Variants in SNX30 observed in about 807,000 individuals in gnomAD.
SNX30 encodes sorting nexin-30.
Under a neutral mutation model 46.4 loss-of-function variants are expected in SNX30, and 24 were observed. The ratio of observed to expected loss-of-function variants is 0.52; its 90% confidence interval spans 0.37 to 0.73. The LOEUF is 0.73. Ranked by LOEUF, SNX30 falls within the 30% of genes least tolerant of loss-of-function variation. SNX30 has a pLI of 0.00. For synonymous variants in SNX30, 189 were observed against 211.5 expected, an observed-to-expected ratio of 0.89 and a Z score of 0.92; for missense variants, 533 against 555.7, an observed-to-expected ratio of 0.96 and a Z score of 0.41.
At chr9:112,817,645 C>A in intron 2 of SNX30, 60 bp from the exon 3 acceptor site, 2 of 998,702 alleles carry the variant, frequency 2.0e-6, no homozygotes, top group African/African-American at 1.6e-5. Context: ...TTTTTTCCTT[C>A]CCTTCAGCCA....
chr9:112,819,604 T>G (rs1399133726), intron 3 of SNX30, among the ~76,000 whole-genome samples: 1 of 152,156 alleles, frequency 6.6e-6, no homozygotes, highest in Non-Finnish European at 1.5e-5. Flanking sequence ...CTACCCAGGA[T>G]CCCACATTTT....
At chr9:112,817,400 G>GTTTT (rs1256963697) in intron 2 of SNX30, among the ~76,000 whole-genome samples, 2 of 34,388 alleles carry the variant, frequency 5.8e-5, no homozygotes, top group African/African-American at 4.0e-4. Flanking sequence ...AAAAAAACTG[G>GTTTT]CTTTTTTTTT....
At position 112,858,795 on chromosome 9, in the gene SNX30, G is replaced by A. The variant is rs148397259; in HGVS notation, c.1102-5452G>A. 3.1e-3 allele frequency among the ~76,000 whole-genome samples: 473 copies of A among 152,060 alleles called. 2 individuals are homozygous for A. The highest frequency in any genetic ancestry group is 0.01 in the Middle Eastern group (3 of 294). ...TTCACCACCTCCTCTTTCTGTGCCC[G>A]CCTTTCTGCCTTCCCGAGTGACTTT... On this transcript the variant is annotated intron_variant, in intron 7 of 8. Coordinates refer to ENST00000374232, the MANE Select transcript of SNX30 (RefSeq NM_001012994.2).
chr9:112,757,048 T>C (rs1019826979), intron 1 of SNX30, among the ~76,000 whole-genome samples: 1 of 152,214 alleles, frequency 6.6e-6, no homozygotes, highest in Non-Finnish European at 1.5e-5. Context: ...TACAATTTTA[T>C]TATTAATAAC....
At chr9:112,779,111 C>T (rs922127758) in intron 1 of SNX30, among the ~76,000 whole-genome samples, 4 of 152,232 alleles carry the variant, frequency 2.6e-5, no homozygotes, top group Non-Finnish European at 5.9e-5. Flanking sequence ...GCTGCTGGCA[C>T]GTGTGATGTG....
intron 7 of SNX30, among the ~76,000 whole-genome samples, chr9:112,855,912 G>T (rs1041221617): frequency 4.6e-5 from 7 of 152,110 alleles, no homozygotes; most frequent in African/African-American, 1.7e-4. Flanking sequence ...CATGGAAGGT[G>T]GGGGGCATCA....
At chr9:112,753,246 C>G (rs1287719323) in intron 1 of SNX30, among the ~76,000 whole-genome samples, 1 of 152,146 alleles carries the variant, frequency 6.6e-6, no homozygotes, top group East Asian at 1.9e-4. Flanking sequence ...CTAATAAGCA[C>G]TTGGAAGACA....
At chr9:112,862,131 G>A (rs576167275) in intron 7 of SNX30, among the ~76,000 whole-genome samples, 7 of 152,324 alleles carry the variant, frequency 4.6e-5, no homozygotes, top group Admixed American at 2.0e-4. Flanking sequence ...ACCCACAGCC[G>A]TGGTTTAGAC....
At chr9:112,768,958 C>T (rs7039744) in intron 1 of SNX30, among the ~76,000 whole-genome samples, 45,154 of 151,844 alleles carry the variant, frequency 0.3, 6,910 homozygotes, top group Admixed American at 0.35. Flanking sequence ...ATAATTCTAA[C>T]GGGCAGCCAA....
chr9:112,817,791 A>T lies in SNX30; in HGVS notation c.435A>T (p.Glu145Asp), dbSNP rs776097355. The T allele has an allele frequency of 1.1e-5, 17 of 1,613,234 alleles. No individual in the cohort carries two copies. In the East Asian group the frequency reaches 3.6e-4, roughly 34 times the overall value. ...ACTGGTTGAGGAGCAAACTGGAAGA[A>T]TCCCAGCCCACTCATCTCATTCCCG... ...DFDWLRSKLEESQPTHLIPPL... is the reference protein window; with the variant it reads ...DFDWLRSKLEDSQPTHLIPPL... The change falls in exon 3 of 9, where the codon GAA becomes GAT. Residue 145 changes from glutamate to aspartate, a missense_variant. This residue lies in a region of SNX30 where 81 missense variants were observed against 124.4 expected (regional missense o/e 0.65). Coordinates refer to ENST00000374232, the MANE Select transcript of SNX30 (RefSeq NM_001012994.2).
intron 2 of SNX30, among the ~76,000 whole-genome samples, chr9:112,807,532 T>C (rs1277063630): frequency 6.6e-6 from 1 of 152,196 alleles, no homozygotes; most frequent in Non-Finnish European, 1.5e-5. Flanking sequence ...AATATACATA[T>C]TTCCAGGAAT....
exon 5 of SNX30, chr9:112,880,189 G>A: frequency 6.2e-6 from 1 of 160,772 alleles, no homozygotes; most frequent in Non-Finnish European, 1.4e-5. Context: ...AAATTAGCTG[G>A]GCATGGTGGC....
chr9:112,773,054 A>G (rs1053593864), intron 1 of SNX30, among the ~76,000 whole-genome samples: 9 of 152,232 alleles, frequency 5.9e-5, no homozygotes, highest in Non-Finnish European at 1.3e-4. Context: ...CTCTTGTTCC[A>G]AAGCAAGGAA....
chr9:112,846,729 C>T (rs1646054318), intron 6 of SNX30, among the ~76,000 whole-genome samples: 1 of 152,194 alleles, frequency 6.6e-6, no homozygotes, highest in Admixed American at 6.5e-5. Flanking sequence ...GGGGGGTGAG[C>T]TGCTCCTGCT....
chr9:112,854,662 A>G (rs1841091569), intron 7 of SNX30, among the ~76,000 whole-genome samples: 1 of 152,238 alleles, frequency 6.6e-6, no homozygotes, highest in Non-Finnish European at 1.5e-5. Context: ...TGGCAGCAGC[A>G]GAAATCCTTT....
downstream of SNX30, chr9:112,878,501 T>G (rs555136648): frequency 6.6e-6 from 1 of 152,362 alleles, no homozygotes. Flanking sequence ...CGTGCTCCCT[T>G]ATATTAGTGA....
At chr9:112,875,640 A>AT (rs1841509170), downstream of SNX30, among the ~76,000 whole-genome samples, 2 of 152,200 alleles carry the variant, frequency 1.3e-5, no homozygotes, top group Non-Finnish European at 2.9e-5. Context: ...AAAGCACTTA[A>AT]ATGTCAGGCA....
intron 1 of SNX30, among the ~76,000 whole-genome samples, chr9:112,754,702 C>T (rs1839322819): frequency 6.6e-6 from 1 of 152,132 alleles, no homozygotes; most frequent in Non-Finnish European, 1.5e-5. Context: ...CTCACTGGAC[C>T]TTATATGGCT....
At chr9:112,759,867 C>G (rs1001954397) in intron 1 of SNX30, among the ~76,000 whole-genome samples, 6 of 152,052 alleles carry the variant, frequency 3.9e-5, no homozygotes, top group African/African-American at 1.4e-4. Flanking sequence ...AAGGGGATAA[C>G]AGATGTGCCC....
Sources: gnomAD v4.1 joint callset for allele counts (sites outside exome capture counted in the v4.1 genomes callset) on GRCh38, gnomAD v4.1.1 for gene constraint, gnomAD v4.1.1 regional missense constraint, MANE v1.5 for transcripts, NCBI Gene and HGNC (gene_info 2026-07-23, HGNC 2026-07-21) for gene names.